The following TMEM35A variants were observed in gnomAD, a reference collection of about 807,000 sequenced individuals.
The protein encoded by TMEM35A is nicotinic acetylcholine receptor chaperone.
For missense variants in TMEM35A, 83 were observed against 132.7 expected (o/e 0.63, Z 1.84); for synonymous variants, 50 against 54.7 (o/e 0.91, Z 0.38).
chrX:101,090,860 G>A (rs1204277700), intron 1 of TMEM35A, among the ~76,000 whole-genome samples: 1 of 102,697 alleles, frequency 9.7e-6, no homozygotes, highest in Non-Finnish European at 2.0e-5. Context: ...TTTTTGAGAC[G>A]GAGTCTTGTT....
chrX:101,087,025 C>T (rs921530392), intron 1 of TMEM35A, among the ~76,000 whole-genome samples: 3 of 102,003 alleles, frequency 2.9e-5, no homozygotes, highest in African/African-American at 7.3e-5. Context: ...GGTGTGGCCT[C>T]GGCTCACTGC....
intron 1 of TMEM35A, among the ~76,000 whole-genome samples, chrX:101,091,254 A>G (rs1228158557): frequency 9.4e-6 from 1 of 106,599 alleles, no homozygotes; most frequent in East Asian, 2.9e-4. Context: ...ACTTCCCCCA[A>G]TTCATCCTCC....
intron 1 of TMEM35A, among the ~76,000 whole-genome samples, chrX:101,082,133 C>CTTTTTTTTTTTTTTTTTTTTTTTT: frequency 2.0e-4 from 4 of 20,469 alleles, no homozygotes; most frequent in African/African-American, 3.3e-4. Context: ...TTCTTTCTTT[C>CTTTTTTTTTTTTTTTTTTTTTTTT]TTTTTTTTTT....
intron 1 of TMEM35A, among the ~76,000 whole-genome samples, chrX:101,085,327 G>A (rs979215581): frequency 2.7e-5 from 3 of 112,337 alleles, no homozygotes; most frequent in Non-Finnish European, 5.6e-5. Flanking sequence ...CTGGCTGGGC[G>A]CGGTCGCTCA....
In TMEM35A at chrX:101,095,638, T is replaced by C. The variant is rs1230128945; in HGVS notation, c.*682T>C. 1.8e-5 allele frequency: 2 copies of C among 111,337 alleles called. No individual in the cohort carries two copies. Among genetic ancestry groups the C allele is most frequent in the African/African-American group, 6.5e-5 (2 of 30,691 alleles). 9.2% of individuals were successfully genotyped at this position (111,337 alleles called of 1,213,427 possible). A position where few individuals can be genotyped will look rare whatever the true frequency, so the allele number is the denominator to read the frequency against. Reference sequence around the variant, plus strand: ...TTTAAATAGTCCATATTGAATTTAATTAAAACAAGGGATGCATGCAGTCAA... The same window carrying C: ...TTTAAATAGTCCATATTGAATTTAACTAAAACAAGGGATGCATGCAGTCAA... On this transcript the variant is annotated 3_prime_UTR_variant, in exon 2 of 2. Coordinates refer to ENST00000372930, the MANE Select transcript of TMEM35A (RefSeq NM_021637.3).
In TMEM35A at chrX:101,093,901, G is replaced by A. The variant is rs1311541298; in HGVS notation, c.121-672G>A. Among the ~76,000 whole-genome samples the A allele has an allele frequency of 2.7e-5, 3 of 111,407 alleles. 1 individual carries two copies. The highest frequency in any genetic ancestry group is 8.4e-3 in the Middle Eastern group (2 of 238). ...TGTCCTCACATGGCAGAAGGGGCAA[G>A]TCAGCTCTCTGAGGCCTCTGTTATA... On this transcript the variant is annotated intron_variant, in intron 1 of 1. Transcript: ENST00000372930.
chrX:101,095,546 A>C lies in TMEM35A; in HGVS notation c.*590A>C, dbSNP rs908565812. On this transcript the variant is annotated 3_prime_UTR_variant, in exon 2 of 2. Coordinates refer to ENST00000372930, the MANE Select transcript of TMEM35A (RefSeq NM_021637.3). ...TTACTACTTTAGGAGAAAAAAAAAA[A>C]CATTCAATTTCGGACACTGAGTTAT... The C allele has an allele frequency of 2.7e-5, 3 of 110,093 alleles. No homozygotes were observed. Among genetic ancestry groups the C allele is most frequent in the African/African-American group, 6.6e-5 (2 of 30,204 alleles). The allele number at this position is 110,093 out of a possible 1,213,427, so 9.1% of individuals were successfully genotyped here.
intron 1 of TMEM35A, among the ~76,000 whole-genome samples, chrX:101,086,401 G>A (rs1569495713): frequency 8.9e-6 from 1 of 112,375 alleles, no homozygotes; most frequent in Non-Finnish European, 1.9e-5. Context: ...GGTTATAGGC[G>A]TGAGCCACTG....
chrX:101,089,767 A>G (rs2089318023), intron 1 of TMEM35A, among the ~76,000 whole-genome samples: 1 of 109,083 alleles, frequency 9.2e-6, no homozygotes, highest in South Asian at 4.0e-4. Context: ...AGAAAAAAAA[A>G]AAAAAAGGCT....
chrX:101,082,133 C>CTTTTTTTTTTT, intron 1 of TMEM35A, among the ~76,000 whole-genome samples: 11 of 20,465 alleles, frequency 5.4e-4, no homozygotes, highest in African/African-American at 8.3e-4. Context: ...TTCTTTCTTT[C>CTTTTTTTTTTT]TTTTTTTTTT....
At chrX:101,093,829 G>A (rs1426767291) in intron 1 of TMEM35A, among the ~76,000 whole-genome samples, 1 of 111,187 alleles carries the variant, frequency 9.0e-6, no homozygotes, top group Non-Finnish European at 1.9e-5. Context: ...GCAGTTTGGT[G>A]TCTATTGAGG....
At chrX:101,088,643 C>T (rs1309657419) in intron 1 of TMEM35A, among the ~76,000 whole-genome samples, 5 of 111,365 alleles carry the variant, frequency 4.5e-5, no homozygotes, top group Non-Finnish European at 7.5e-5. Context: ...TGGTGGCTGA[C>T]GCCTGTAATC....
chrX:101,093,276 A>T (rs2089329325), intron 1 of TMEM35A, among the ~76,000 whole-genome samples: 2 of 111,727 alleles, frequency 1.8e-5, no homozygotes, highest in African/African-American at 3.2e-5. Context: ...GTGAATTTTT[A>T]AAAAATTCTT....
chrX:101,090,433 G>A (rs944813525), intron 1 of TMEM35A, among the ~76,000 whole-genome samples: 5 of 107,327 alleles, frequency 4.7e-5, no homozygotes, highest in Non-Finnish European at 7.7e-5. Flanking sequence ...CTCCCAAACT[G>A]CTGGGATTAC....
At chrX:101,080,881 C>T (rs745557140) in intron 1 of TMEM35A, among the ~76,000 whole-genome samples, 14 of 109,794 alleles carry the variant, frequency 1.3e-4, no homozygotes, top group Non-Finnish European at 2.5e-4. Flanking sequence ...GCTTCAGAGG[C>T]CCCCCCAAGC....
chrX:101,087,405 A>G (rs981928614), intron 1 of TMEM35A, among the ~76,000 whole-genome samples: 2 of 111,921 alleles, frequency 1.8e-5, no homozygotes, highest in Non-Finnish European at 1.9e-5. Context: ...GTCTGTACCT[A>G]CTCAGTTTTC....
In TMEM35A at chrX:101,094,692, C is replaced by T. The variant is rs2089333628; in HGVS notation, c.240C>T (p.Thr80=). Reference sequence around the variant, plus strand: ...AAGTGGCCTGTGGCATCGTCATGACCCTTGTGCCTGGGCGTCCCAAAGATG... The same window carrying T: ...AAGTGGCCTGTGGCATCGTCATGACTCTTGTGCCTGGGCGTCCCAAAGATG... The part of the protein sequence containing the change: ...ALEVACGIVM[T]LVPGRPKDVA... Residue 80 remains threonine (T), a synonymous_variant, in exon 2 of 2, where the codon ACC becomes ACT. Coordinates refer to ENST00000372930, the MANE Select transcript of TMEM35A (RefSeq NM_021637.3). 3 of 1,211,500 alleles carry T rather than the reference C, an allele frequency of 2.5e-6. No individual in the cohort carries two copies. The highest frequency in any genetic ancestry group is 5.9e-5 in the East Asian group (2 of 33,820).
At position 101,090,157 on chromosome X, in the gene TMEM35A, ATTTC is replaced by A. The variant is rs1167325758; in HGVS notation, c.121-4404_121-4401del. Among the ~76,000 whole-genome samples, 4 of 94,419 alleles carry A rather than the reference ATTTC, an allele frequency of 4.2e-5. No homozygotes were observed. The South Asian group carries it at 1.3e-3, about 30-fold the overall frequency. The allele number at this position is 94,419 out of a possible 115,157, so 82.0% of individuals were successfully genotyped here. On this transcript the variant is annotated intron_variant, in intron 1 of 1. Coordinates refer to ENST00000372930, the MANE Select transcript of TMEM35A (RefSeq NM_021637.3). ...TCTGCTTTGTGGACTCTGTCTTTCC[ATTTC>A]TTTCTTTCTTTTTTTTTTTGAGACA...
At chrX:101,079,586 A>AT (rs1205384971) in intron 1 of TMEM35A, among the ~76,000 whole-genome samples, 3 of 111,540 alleles carry the variant, frequency 2.7e-5, no homozygotes, top group Non-Finnish European at 5.6e-5. Context: ...AAAACAAGCA[A>AT]TTTTTAGGGG....
Sources: gnomAD v4.1 joint callset for allele counts (sites outside exome capture counted in the v4.1 genomes callset) on GRCh38, gnomAD v4.1.1 for gene constraint, MANE v1.5 for transcripts, NCBI Gene and HGNC (gene_info 2026-07-23, HGNC 2026-07-21) for gene names.